The following ANO10 variants were observed in gnomAD, a reference collection of about 807,000 sequenced individuals.
ANO10 encodes the protein anoctamin-10.
A neutral mutation model predicts 74.7 loss-of-function variants in ANO10; 77 were observed. The observed-to-expected ratio is 1.03, with a 90% CI of 0.86 to 1.25. The LOEUF (loss-of-function observed/expected upper bound fraction) is 1.25, where lower values mean the gene tolerates loss of function less well. Ranked by LOEUF, ANO10 falls within the 50% of genes most tolerant of loss-of-function variation. ANO10 has a pLI of 0.00. For synonymous variants in ANO10, 279 were observed against 284.9 expected (o/e 0.98, Z 0.21); for missense variants, 721 against 778.1 (o/e 0.93, Z 0.87).
rs1234588871 is a variant in ANO10, at chr3:43,570,874, A to G, written c.1218+3935T>C. ...TAAAGAGCTTCTGCACAGCAAAAGAAACTACCATCAGAGTGAACAGGCAAC... is the reference window on the plus strand; with the variant it reads ...TAAAGAGCTTCTGCACAGCAAAAGAGACTACCATCAGAGTGAACAGGCAAC... On this transcript the variant is annotated intron_variant, in intron 7 of 12. Coordinates refer to ENST00000292246, the MANE Select transcript of ANO10 (RefSeq NM_018075.5). Among the ~76,000 whole-genome samples the G allele has an allele frequency of 3.6e-5, 5 of 138,060 alleles. No homozygotes were observed. The Admixed American group carries it at 3.7e-4, about 10-fold the overall frequency. The allele number at this position is 138,060 out of a possible 152,430, so 90.6% of individuals were successfully genotyped here.
intron 1 of ANO10, chr3:43,691,254 G>C (rs2084373587): frequency 2.4e-6 from 1 of 414,088 alleles, no homozygotes; most frequent in South Asian, 1.0e-4. Flanking sequence ...GGGGCCCCGA[G>C]GTGTCTGAGC....
At chr3:43,432,941 A>ATTTTTTTTTTTTTTTTTTTT (rs1559539096) in intron 11 of ANO10, among the ~76,000 whole-genome samples, 1 of 46,544 alleles carries the variant, frequency 2.1e-5, no homozygotes, top group Non-Finnish European at 4.9e-5. Flanking sequence ...ACTTTGCTTA[A>ATTTTTTTTTTTTTTTTTTTT]TTCTTTTTTT....
chr3:43,651,243 C>A (rs982598695), intron 1 of ANO10, among the ~76,000 whole-genome samples: 2 of 149,228 alleles, frequency 1.3e-5, no homozygotes, highest in African/African-American at 5.2e-5. Flanking sequence ...TACTGTGTGT[C>A]CTACACTGTT....
chr3:43,441,015 A>T (rs2093150671), intron 11 of ANO10, among the ~76,000 whole-genome samples: 1 of 152,116 alleles, frequency 6.6e-6, no homozygotes, highest in South Asian at 2.1e-4. Flanking sequence ...AAACCACAAC[A>T]TACCAAAACT....
chr3:43,392,747 A>G (rs894458681), intron 12 of ANO10, among the ~76,000 whole-genome samples: 3 of 152,132 alleles, frequency 2.0e-5, no homozygotes, highest in Non-Finnish European at 4.4e-5. Flanking sequence ...CTCACTCTTC[A>G]GTCGACATTC....
chr3:43,592,191 A>C (rs2081809892), intron 4 of ANO10, among the ~76,000 whole-genome samples: 2 of 152,238 alleles, frequency 1.3e-5, no homozygotes, highest in South Asian at 4.1e-4. Context: ...GCTGAACAAA[A>C]GGCAGCAGAA....
intron 12 of ANO10, among the ~76,000 whole-genome samples, chr3:43,428,553 C>T (rs569349587): frequency 1.9e-4 from 29 of 152,002 alleles, no homozygotes; most frequent in Admixed American, 1.6e-3. Context: ...AAGCTATGAA[C>T]GTTCTATTAG....
chr3:43,584,566 A>G (rs1358820170), intron 4 of ANO10, among the ~76,000 whole-genome samples: 1 of 152,126 alleles, frequency 6.6e-6, no homozygotes, highest in Non-Finnish European at 1.5e-5. Context: ...GAGCTGCTGA[A>G]TAAAACTACC....
At chr3:43,673,974 G>A (rs58260401) in intron 1 of ANO10, among the ~76,000 whole-genome samples, 2 of 152,000 alleles carry the variant, frequency 1.3e-5, no homozygotes, top group Non-Finnish European at 2.9e-5. Context: ...AGTCACATAC[G>A]TCCAGAAAAG....
chr3:43,662,770 G>A (rs1056956725), intron 1 of ANO10, among the ~76,000 whole-genome samples: 4 of 152,002 alleles, frequency 2.6e-5, no homozygotes, highest in East Asian at 1.9e-4. Context: ...ACACCTCTGC[G>A]CAAATAAACT....
At position 43,366,862 on chromosome 3, in the gene ANO10, A is replaced by G; in HGVS notation, c.*44T>C. Reference sequence around the variant, plus strand: ...CCTGCCACCGTGGCAGGTGTGGCACAGACACAGGCCTCTGCCAACAGGGCA... The same window carrying G: ...CCTGCCACCGTGGCAGGTGTGGCACGGACACAGGCCTCTGCCAACAGGGCA... On this transcript the variant is annotated 3_prime_UTR_variant, in exon 13 of 13. Transcript: ENST00000292246. 1 of 1,545,904 alleles carries G rather than the reference A, an allele frequency of 6.5e-7. No individual in the cohort carries two copies. Among genetic ancestry groups the G allele is most frequent in the Non-Finnish European group, 8.8e-7 (1 of 1,140,158 alleles).
intron 11 of ANO10, among the ~76,000 whole-genome samples, chr3:43,457,229 C>T (rs1228457947): frequency 6.6e-6 from 1 of 152,200 alleles, no homozygotes; most frequent in Non-Finnish European, 1.5e-5. Flanking sequence ...TTGCTAAATA[C>T]ACATATCAAA....
chr3:43,690,990 G>C (rs2084362698), intron 1 of ANO10: 1 of 1,573,418 alleles, frequency 6.4e-7, no homozygotes, highest in African/African-American at 1.4e-5. Context: ...CGCGGCGGCG[G>C]CTATGGCGGC....
chr3:43,410,603 CAAT>C (rs1465015477), intron 12 of ANO10, among the ~76,000 whole-genome samples: 2 of 152,048 alleles, frequency 1.3e-5, no homozygotes, highest in Non-Finnish European at 2.9e-5. Context: ...TTTTCTTAAA[CAAT>C]AAGACATTCC....
intron 12 of ANO10, among the ~76,000 whole-genome samples, chr3:43,384,077 G>A (rs1271085058): frequency 1.3e-5 from 2 of 151,952 alleles, no homozygotes; most frequent in African/African-American, 2.4e-5. Context: ...AAAGTTTCCA[G>A]ATACAAAATT....
chr3:43,566,248 G>C (rs886154419), intron 7 of ANO10, among the ~76,000 whole-genome samples: 91 of 152,200 alleles, frequency 6.0e-4, no homozygotes, highest in Non-Finnish European at 1.2e-3. Context: ...AGGCGGCAGC[G>C]AGGCTGGGGG....
At chr3:43,498,437 T>C (rs80279716) in intron 11 of ANO10, among the ~76,000 whole-genome samples, 251 of 152,338 alleles carry the variant, frequency 1.6e-3, no homozygotes, top group African/African-American at 5.8e-3. Context: ...CAATCCCTGA[T>C]GGCAGTGTTA....
At chr3:43,570,996 C>A in intron 7 of ANO10, among the ~76,000 whole-genome samples, 1 of 147,996 alleles carries the variant, frequency 6.8e-6, no homozygotes, top group South Asian at 2.1e-4. Flanking sequence ...AAGAAAAAAA[C>A]AAACAACCCC....
chr3:43,608,240 G>GA (rs956173505), intron 1 of ANO10, among the ~76,000 whole-genome samples: 1 of 152,172 alleles, frequency 6.6e-6, no homozygotes, highest in African/African-American at 2.4e-5. Context: ...TAATTAGACT[G>GA]AAAGAGTATC....
Sources: gnomAD v4.1 joint callset for allele counts (sites outside exome capture counted in the v4.1 genomes callset) on GRCh38, gnomAD v4.1.1 for gene constraint, MANE v1.5 for transcripts, NCBI Gene and HGNC (gene_info 2026-07-23, HGNC 2026-07-21) for gene names.